The following VAT1L variants were observed in gnomAD, a reference collection of about 807,000 sequenced individuals.
VAT1L encodes the protein vesicle amine transport 1 like, also known as putative NADPH-dependent quinone oxidoreductase VAT1L.
A neutral mutation model predicts 44.1 loss-of-function variants in VAT1L; 34 were observed. The observed-to-expected ratio is 0.77, with a 90% confidence interval of 0.59 to 1.03. The LOEUF (loss-of-function observed/expected upper bound fraction) is 1.03. Ranked by LOEUF, VAT1L falls within the 50% of genes least tolerant of loss-of-function variation. The pLI is 0.00. For synonymous variants in VAT1L, 253 were observed against 202.2 expected, an observed-to-expected ratio of 1.25 and a Z score of -2.13; for missense variants, 615 against 538.8, an observed-to-expected ratio of 1.14 and a Z score of -1.40.
At chr16:77,886,384 GA>G (rs1489261007) in intron 7 of VAT1L, among the ~76,000 whole-genome samples, 1 of 152,154 alleles carries the variant, frequency 6.6e-6, no homozygotes, top group Non-Finnish European at 1.5e-5. Flanking sequence ...AAAGCTAAGA[GA>G]TATACTTGTC....
intron 1 of VAT1L, among the ~76,000 whole-genome samples, chr16:77,796,833 A>G (rs994972273): frequency 2.0e-5 from 3 of 152,208 alleles, no homozygotes; most frequent in African/African-American, 7.2e-5. Flanking sequence ...TTGCAGCAAC[A>G]TAGATGGAGA....
chr16:77,833,228 C>G (rs558774625), intron 3 of VAT1L, among the ~76,000 whole-genome samples: 1 of 152,264 alleles, frequency 6.6e-6, no homozygotes, highest in East Asian at 1.9e-4. Context: ...CAATGAGAAG[C>G]CCTAGACATT....
intron 1 of VAT1L, among the ~76,000 whole-genome samples, chr16:77,810,822 G>T (rs192495894): frequency 8.6e-4 from 131 of 152,220 alleles, no homozygotes; most frequent in Non-Finnish European, 1.5e-3. Context: ...GAGATTTGAG[G>T]AAAAAGTACT....
At chr16:77,956,475 T>A (rs1317065035) in intron 7 of VAT1L, among the ~76,000 whole-genome samples, 3 of 152,176 alleles carry the variant, frequency 2.0e-5, no homozygotes, top group Admixed American at 2.0e-4. Flanking sequence ...TAAGCACTTG[T>A]CATATGTCAG....
At chr16:77,804,858 G>T (rs891208508) in intron 1 of VAT1L, among the ~76,000 whole-genome samples, 1 of 152,162 alleles carries the variant, frequency 6.6e-6, no homozygotes, top group Admixed American at 6.5e-5. Context: ...TTTCCTCCCA[G>T]CATATGTTAT....
chr16:77,976,819 T>C (rs1291575297), intron 8 of VAT1L, among the ~76,000 whole-genome samples: 2 of 152,198 alleles, frequency 1.3e-5, no homozygotes, highest in Non-Finnish European at 2.9e-5. Context: ...ATCATAACTA[T>C]GCCAGGTACC....
chr16:77,840,573 T>G (rs2016694030), intron 3 of VAT1L, among the ~76,000 whole-genome samples: 1 of 152,368 alleles, frequency 6.6e-6, no homozygotes, highest in Non-Finnish European at 1.5e-5. Context: ...TATTCAGATC[T>G]GTGCTCCTCA....
At chr16:77,895,100 C>CCACACACACACACACACACACACACACA (rs67138523) in intron 7 of VAT1L, among the ~76,000 whole-genome samples, 1,534 of 145,176 alleles carry the variant, frequency 0.011, 25 homozygotes, top group African/African-American at 0.034. Context: ...AGCCACTTGC[C>CCACACACACACACACACACACACACACA]CACACACACA....
intron 7 of VAT1L, among the ~76,000 whole-genome samples, chr16:77,916,542 C>G (rs182565713): frequency 1.3e-5 from 2 of 152,296 alleles, no homozygotes; most frequent in Admixed American, 1.3e-4. Flanking sequence ...GTCTCAAACT[C>G]TTGGCCTCAA....
At chr16:77,829,797 C>T (rs1471101680) in intron 3 of VAT1L, among the ~76,000 whole-genome samples, 6 of 152,166 alleles carry the variant, frequency 3.9e-5, no homozygotes, top group African/African-American at 1.4e-4. Flanking sequence ...TGGAGAGTGG[C>T]ATTACTGTTC....
intron 1 of VAT1L, among the ~76,000 whole-genome samples, chr16:77,813,522 C>A (rs1205796195): frequency 6.6e-6 from 1 of 152,188 alleles, no homozygotes; most frequent in Non-Finnish European, 1.5e-5. Flanking sequence ...GAGACTGGAC[C>A]TCTCCTCATT....
At chr16:77,803,235 G>A (rs1024970492) in intron 1 of VAT1L, among the ~76,000 whole-genome samples, 1 of 152,070 alleles carries the variant, frequency 6.6e-6, no homozygotes, top group Non-Finnish European at 1.5e-5. Context: ...TAAAAGTTCA[G>A]TTCCTTAGTC....
intron 3 of VAT1L, among the ~76,000 whole-genome samples, chr16:77,854,671 T>A (rs1453368798): frequency 6.6e-6 from 1 of 152,178 alleles, no homozygotes; most frequent in Non-Finnish European, 1.5e-5. Flanking sequence ...AAACTGACAA[T>A]CTTTGGAAGA....
At chr16:77,946,036 A>G (rs1337825269) in intron 7 of VAT1L, among the ~76,000 whole-genome samples, 1 of 151,950 alleles carries the variant, frequency 6.6e-6, no homozygotes, top group Non-Finnish European at 1.5e-5. Context: ...TGCTGACCGC[A>G]TGATCTGCCC....
At chr16:77,971,776 G>T in intron 7 of VAT1L, 74 bp from the exon 8 acceptor site, 1 of 1,498,272 alleles carries the variant, frequency 6.7e-7, no homozygotes, top group Non-Finnish European at 9.0e-7. Flanking sequence ...GACAGTTTGA[G>T]TTCTCCAGGC....
intron 8 of VAT1L, 38 bp downstream of exon 8, chr16:77,971,971 G>A (rs746000951): frequency 8.8e-6 from 14 of 1,589,548 alleles, no homozygotes; most frequent in South Asian, 3.4e-5. Flanking sequence ...AGTTCCACGC[G>A]AGAGAGCACC....
At chr16:77,850,639 T>TTTTTTG (rs1045096654) in intron 3 of VAT1L, among the ~76,000 whole-genome samples, 2 of 151,666 alleles carry the variant, frequency 1.3e-5, no homozygotes, top group East Asian at 3.9e-4. Flanking sequence ...AGTCGTTTGG[T>TTTTTTG]TTTTTGTTTT....
At chr16:77,841,581 A>G (rs2016706530) in intron 3 of VAT1L, among the ~76,000 whole-genome samples, 1 of 152,222 alleles carries the variant, frequency 6.6e-6, no homozygotes, top group South Asian at 2.1e-4. Context: ...TGTCCACGGT[A>G]CAGGAATGTC....
chr16:77,917,032 A>C (rs1194571326), intron 7 of VAT1L, among the ~76,000 whole-genome samples: 1 of 152,170 alleles, frequency 6.6e-6, no homozygotes, highest in East Asian at 1.9e-4. Flanking sequence ...TTATTCATCC[A>C]CCAGCACTTG....
Sources: gnomAD v4.1 joint callset for allele counts (sites outside exome capture counted in the v4.1 genomes callset) on GRCh38, gnomAD v4.1.1 for gene constraint, MANE v1.5 for transcripts, NCBI Gene and HGNC (gene_info 2026-07-23, HGNC 2026-07-21) for gene names.